NIPSNAP1: variants seen among roughly 807,000 people sequenced by gnomAD.
NIPSNAP1 encodes the protein nipsnap homolog 1, also known as protein NipSnap homolog 1.
Under a neutral mutation model 49.2 loss-of-function variants are expected in NIPSNAP1, and 25 were observed. That is an observed-to-expected ratio of 0.51 (90% CI 0.37 to 0.71). NIPSNAP1 has a LOEUF of 0.71. NIPSNAP1 is among the 30% of genes least tolerant of loss of function. The pLI is 0.00. For missense variants in NIPSNAP1, 294 were observed against 361.0 expected, an observed-to-expected ratio of 0.81 and a Z score of 1.50; for synonymous variants, 143 against 140.7, an observed-to-expected ratio of 1.02 and a Z score of -0.12.
chr22:29,578,533 A>G (rs2064472939), intron 1 of NIPSNAP1, among the ~76,000 whole-genome samples: 1 of 151,108 alleles, frequency 6.6e-6, no homozygotes. Context: ...ATTGCCCCCA[A>G]ACCTCACAGG....
At chr22:29,558,346 G>C (rs992821513) in intron 9 of NIPSNAP1, among the ~76,000 whole-genome samples, 4 of 152,060 alleles carry the variant, frequency 2.6e-5, no homozygotes, top group Non-Finnish European at 4.4e-5. Context: ...ACACACGCCT[G>C]TAATCCCAGC....
At chr22:29,570,582 A>G (rs1412250279) in intron 1 of NIPSNAP1, 50 bp from the exon 2 acceptor site, 2 of 1,590,506 alleles carry the variant, frequency 1.3e-6, no homozygotes. Flanking sequence ...GGGGAGCCCC[A>G]GCAATTCCAT....
At chr22:29,560,282 T>C (rs1027058817) in intron 8 of NIPSNAP1, among the ~76,000 whole-genome samples, 1 of 151,230 alleles carries the variant, frequency 6.6e-6, no homozygotes, top group Non-Finnish European at 1.5e-5. Context: ...GGAGTCTCGC[T>C]CTGTTGCCAG....
At chr22:29,561,368 C>T in intron 6 of NIPSNAP1, 138 bp downstream of exon 6, 3 of 1,441,504 alleles carry the variant, frequency 2.1e-6, no homozygotes, top group Non-Finnish European at 2.9e-6. Context: ...CATGTTTGCA[C>T]ACATGTGTAT....
In NIPSNAP1 at chr22:29,572,295, T is replaced by A. The variant is rs756909337; in HGVS notation, c.99-1763A>T. Among the ~76,000 whole-genome samples, 125 of 102,512 alleles carry A rather than the reference T, an allele frequency of 1.2e-3. 2 individuals are homozygous for A. The highest frequency in any genetic ancestry group is 2.3e-3 in the Admixed American group (18 of 7,714). The allele number at this position is 102,512 out of a possible 152,430, so 67.3% of individuals were successfully genotyped here. A position where few individuals can be genotyped will look rare whatever the true frequency, so the allele number is the denominator to read the frequency against. On this transcript the variant is annotated intron_variant, in intron 1 of 9. Transcript: ENST00000216121. Reference sequence around the variant, plus strand: ...TCCCGCCTGGGCAACAGAGCGAGAATCCATCTCAAAAAAAAAAAAAAAAAA... The same window carrying A: ...TCCCGCCTGGGCAACAGAGCGAGAAACCATCTCAAAAAAAAAAAAAAAAAA...
At chr22:29,561,760 C>G in intron 5 of NIPSNAP1, 32 bp downstream of exon 5, 1 of 1,613,692 alleles carries the variant, frequency 6.2e-7, no homozygotes. Flanking sequence ...ATCCCACATC[C>G]AGAGAGGTGT....
At chr22:29,567,134 T>A (rs141961142) in intron 4 of NIPSNAP1, among the ~76,000 whole-genome samples, 256 of 152,100 alleles carry the variant, frequency 1.7e-3, no homozygotes, top group African/African-American at 5.2e-3. Flanking sequence ...CTCAAAAAAA[T>A]AAATAAATAA....
chr22:29,569,150 G>C, intron 4 of NIPSNAP1, 43 bp downstream of exon 4: 4 of 1,538,916 alleles, frequency 2.6e-6, no homozygotes, highest in South Asian at 1.1e-5. Flanking sequence ...CTGGAGGCCA[G>C]GGCTGGGCAG....
intron 1 of NIPSNAP1, among the ~76,000 whole-genome samples, chr22:29,573,497 G>A (rs906632740): frequency 1.1e-4 from 16 of 152,090 alleles, no homozygotes; most frequent in African/African-American, 2.7e-4. Flanking sequence ...TGCTGGGTAC[G>A]GTGGCTCACG....
intron 4 of NIPSNAP1, among the ~76,000 whole-genome samples, chr22:29,565,448 G>A (rs1787230003): frequency 6.6e-6 from 1 of 152,070 alleles, no homozygotes; most frequent in Admixed American, 6.6e-5. Flanking sequence ...GGGAGGCAGA[G>A]GTTGCAGTGA....
In NIPSNAP1 at chr22:29,558,895, G is replaced by C. The variant is rs573004186; in HGVS notation, c.765C>G (p.Gly255=). The C allele has an allele frequency of 6.2e-7, 1 of 1,613,904 alleles. No homozygotes were observed. The highest frequency in any genetic ancestry group is 8.5e-7 in the Non-Finnish European group (1 of 1,179,832). The change falls in exon 9 of 10, where the codon GGC becomes GGG. Residue 255 remains glycine, a synonymous_variant. Transcript: ENST00000216121. ...CTGTATAGTAGACATTTTCATCCCA[G>C]CCTCTCTTCCTCCAGGCAGCGTTTC... ...ETRNAAWRKR[G]WDENVYYTVP...
Position 29,569,641 on chromosome 22 carries a change from G to A in NIPSNAP1, c.273-354C>T, listed in dbSNP as rs547378793. ...GGCTGGAGTGCAATGGCGCAATCTC[G>A]GCTCACTGGAACCTCCGCCTCCTGG... On this transcript the variant is annotated intron_variant, in intron 3 of 9. Transcript: ENST00000216121. 1.3e-4 allele frequency among the ~76,000 whole-genome samples: 19 copies of A among 148,328 alleles called. No homozygotes were observed. The East Asian group carries it at 1.8e-3, about 14-fold the overall frequency.
At chr22:29,577,793 C>T (rs1457004381) in intron 1 of NIPSNAP1, among the ~76,000 whole-genome samples, 3 of 149,772 alleles carry the variant, frequency 2.0e-5, no homozygotes, top group Non-Finnish European at 4.4e-5. Flanking sequence ...AGTGCAGTGG[C>T]GCGATCTTGG....
At chr22:29,568,406 T>G (rs1018531237) in intron 4 of NIPSNAP1, among the ~76,000 whole-genome samples, 2 of 146,918 alleles carry the variant, frequency 1.4e-5, no homozygotes, top group Admixed American at 1.4e-4. Flanking sequence ...TATCTTCAAC[T>G]CAGGAGGTGG....
chr22:29,579,739 C>T (rs1413139594), intron 1 of NIPSNAP1: 1 of 228,404 alleles, frequency 4.4e-6, no homozygotes, highest in Non-Finnish European at 9.1e-6. Context: ...ACCACAGCAT[C>T]TTTAATCCTC....
rs560570584 is a variant in NIPSNAP1 at position 29,555,112 on chromosome 22, A to G, written c.*823T>C. The G allele has an allele frequency of 6.6e-6, 1 of 152,596 alleles. No homozygotes were observed. The highest frequency in any genetic ancestry group is 2.4e-5 in the African/African-American group (1 of 41,568). The allele number at this position is 152,596 out of a possible 1,614,324, so 9.5% of individuals were successfully genotyped here. A position where few individuals can be genotyped will look rare whatever the true frequency, so the allele number is the denominator to read the frequency against. On this transcript the variant is annotated 3_prime_UTR_variant, in exon 10 of 10. Transcript: ENST00000216121. ...CTCTGCATAGAAGGACTGGAACTAC[A>G]CATTTAAGTTTTCAACCCCAATATG...
At chr22:29,568,798 A>C (rs1177010604) in intron 4 of NIPSNAP1, among the ~76,000 whole-genome samples, 2 of 152,248 alleles carry the variant, frequency 1.3e-5, no homozygotes, top group African/African-American at 2.4e-5. Context: ...AGTCTCGGAA[A>C]AAAAAAGAAT....
chr22:29,572,213 G>T (rs1018214152), intron 1 of NIPSNAP1, among the ~76,000 whole-genome samples: 2 of 143,066 alleles, frequency 1.4e-5, no homozygotes, highest in Non-Finnish European at 3.0e-5. Context: ...TGAGGCAGGA[G>T]AATTGCTTGA....
chr22:29,575,472 T>C (rs1267070387), intron 1 of NIPSNAP1, among the ~76,000 whole-genome samples: 1 of 152,136 alleles, frequency 6.6e-6, no homozygotes, highest in Non-Finnish European at 1.5e-5. Flanking sequence ...GAGGAGGGTT[T>C]GAACTCCAAG....
Sources: allele counts gnomAD v4.1 joint callset (sites outside exome capture counted in the v4.1 genomes callset), GRCh38; gene constraint gnomAD v4.1.1; transcripts MANE v1.5; gene names NCBI Gene and HGNC (gene_info 2026-07-23, HGNC 2026-07-21).